KALRN: variants seen among roughly 807,000 people sequenced by gnomAD.
KALRN encodes the protein kalirin.
A neutral mutation model predicts 353.7 loss-of-function variants in KALRN; 70 were observed. That is an observed-to-expected ratio of 0.20 (90% confidence interval 0.16 to 0.24). The LOEUF (loss-of-function observed/expected upper bound fraction) is 0.24. Ranked by LOEUF, KALRN falls within the 10% of genes least tolerant of loss-of-function variation. The pLI is 1.00. For synonymous variants in KALRN, 1,391 were observed against 1,434.8 expected, an observed-to-expected ratio of 0.97 and a Z score of 0.69; for missense variants, 2,791 against 3,756.7, an observed-to-expected ratio of 0.74 and a Z score of 6.72.
At chr3:124,185,918 G>A (rs2074166250) in intron 1 of KALRN, among the ~76,000 whole-genome samples, 1 of 152,194 alleles carries the variant, frequency 6.6e-6, no homozygotes, top group African/African-American at 2.4e-5. Flanking sequence ...CAGGTGCTGG[G>A]TGGTGCCAGT....
chr3:124,358,556 T>C (rs955408392), intron 10 of KALRN, among the ~76,000 whole-genome samples: 1 of 152,246 alleles, frequency 6.6e-6, no homozygotes, highest in Non-Finnish European at 1.5e-5. Context: ...AGTCACAGAC[T>C]GCTTTTGATT....
At chr3:124,074,365 A>G (rs967053951) in intron 1 of KALRN, among the ~76,000 whole-genome samples, 3 of 152,242 alleles carry the variant, frequency 2.0e-5, no homozygotes, top group Non-Finnish European at 4.4e-5. Context: ...GGGCAGGGCC[A>G]TGGCAGGCCT....
chr3:124,140,159 T>C (rs528448650), intron 1 of KALRN, among the ~76,000 whole-genome samples: 1 of 152,208 alleles, frequency 6.6e-6, no homozygotes, highest in South Asian at 2.1e-4. Context: ...CCTACCCAAA[T>C]ATGGCCAATG....
intron 1 of KALRN, among the ~76,000 whole-genome samples, chr3:124,170,035 G>A (rs146861582): frequency 1.3e-5 from 2 of 152,196 alleles, no homozygotes; most frequent in Non-Finnish European, 2.9e-5. Context: ...GAGCATTTCA[G>A]AGTTCTTTCC....
Position 124,642,806 on chromosome 3 carries a change from G to GTTGTTTTTTTTTTTTTTTTTTTTTTTTTT in KALRN, c.5664+5505_5664+5506insGTTTTTTTTTTTTTTTTTTTTTTTTTTTT, listed in dbSNP as rs796628603. On this transcript the variant is annotated intron_variant, in intron 37 of 59. Transcript: ENST00000682506. ...TCTGTGGAAGAGATTCCCAAGCCTC[G>GTTGTTTTTTTTTTTTTTTTTTTTTTTTTT]TTTTTTTTTTTTTTTTTTTTGAGAC... Among the ~76,000 whole-genome samples, 51 of 96,816 alleles carry GTTGTTTTTTTTTTTTTTTTTTTTTTTTTT rather than the reference G, an allele frequency of 5.3e-4. 9 individuals are homozygous for GTTGTTTTTTTTTTTTTTTTTTTTTTTTTT. In the East Asian group the frequency reaches 6.7e-3, roughly 13 times the overall value. 63.5% of individuals were successfully genotyped at this position (96,816 alleles called of 152,430 possible).
At chr3:124,539,163 G>A (rs2068782364) in intron 33 of KALRN, among the ~76,000 whole-genome samples, 1 of 152,192 alleles carries the variant, frequency 6.6e-6, no homozygotes, top group Non-Finnish European at 1.5e-5. Flanking sequence ...GCAGTCAGAT[G>A]GGGATTTCAG....
intron 57 of KALRN, among the ~76,000 whole-genome samples, chr3:124,705,827 CCTT>C (rs1172340941): frequency 2.1e-5 from 3 of 145,372 alleles, no homozygotes; most frequent in African/African-American, 5.1e-5. Context: ...TTCCTCCCTT[CCTT>C]CCTTCCTTCC....
At chr3:124,283,183 A>G (rs1402866419) in intron 5 of KALRN, among the ~76,000 whole-genome samples, 1 of 152,232 alleles carries the variant, frequency 6.6e-6, no homozygotes, top group Non-Finnish European at 1.5e-5. Context: ...AGAACATCCA[A>G]CAGACACTCC....
intron 1 of KALRN, among the ~76,000 whole-genome samples, chr3:124,165,827 G>A (rs928177660): frequency 2.6e-4 from 40 of 152,092 alleles, no homozygotes; most frequent in African/African-American, 9.2e-4. Flanking sequence ...ACCTACCTCG[G>A]CCTGTAAGGC....
chr3:124,341,367 C>T (rs2149509158), intron 9 of KALRN, among the ~76,000 whole-genome samples: 1 of 152,298 alleles, frequency 6.6e-6, no homozygotes, highest in African/African-American at 2.4e-5. Context: ...AGGGCAGGGA[C>T]CTTGGCCACA....
chr3:124,290,153 G>T (rs968064845), intron 5 of KALRN, among the ~76,000 whole-genome samples: 2 of 152,166 alleles, frequency 1.3e-5, no homozygotes, highest in Non-Finnish European at 2.9e-5. Context: ...TCAAGTATGT[G>T]AAAACACTGA....
chr3:124,224,337 C>T (rs1027048600), intron 1 of KALRN, among the ~76,000 whole-genome samples: 1 of 149,256 alleles, frequency 6.7e-6, no homozygotes, highest in Non-Finnish European at 1.5e-5. Flanking sequence ...TCTTGGACCA[C>T]ACAGAAAATA....
At chr3:124,299,666 T>G (rs899038527) in intron 6 of KALRN, among the ~76,000 whole-genome samples, 1 of 152,176 alleles carries the variant, frequency 6.6e-6, no homozygotes, top group Admixed American at 6.5e-5. Context: ...ATAAGGTTGT[T>G]GTAAGGATTT....
At chr3:124,424,160 G>C (rs1393128591) in intron 15 of KALRN, among the ~76,000 whole-genome samples, 1 of 152,090 alleles carries the variant, frequency 6.6e-6, no homozygotes, top group East Asian at 1.9e-4. Flanking sequence ...GTCCCGGGGG[G>C]GTTCCCAGCA....
At chr3:124,670,392 A>G (rs1396816057) in intron 47 of KALRN, among the ~76,000 whole-genome samples, 1 of 152,186 alleles carries the variant, frequency 6.6e-6, no homozygotes, top group Admixed American at 6.5e-5. Context: ...CTAAATACTT[A>G]ATGCCACAAA....
intron 6 of KALRN, among the ~76,000 whole-genome samples, chr3:124,299,970 G>A (rs566808506): frequency 5.5e-4 from 83 of 152,260 alleles, no homozygotes; most frequent in South Asian, 5.4e-3. Flanking sequence ...CAGAAGAATA[G>A]CTCCACCATT....
At chr3:124,307,016 A>C (rs1234071697) in intron 6 of KALRN, among the ~76,000 whole-genome samples, 2 of 152,182 alleles carry the variant, frequency 1.3e-5, no homozygotes, top group Admixed American at 6.5e-5. Flanking sequence ...TTTCAAGCTA[A>C]AAGCAAGTGA....
intron 33 of KALRN, among the ~76,000 whole-genome samples, chr3:124,552,099 G>A (rs2070612236): frequency 1.3e-5 from 2 of 152,202 alleles, no homozygotes; most frequent in Admixed American, 6.5e-5. Flanking sequence ...CCATACAGAT[G>A]TTAATTATTA....
At chr3:124,366,172 T>A (rs76312878) in intron 10 of KALRN, among the ~76,000 whole-genome samples, 2,338 of 152,298 alleles carry the variant, frequency 0.015, 39 homozygotes, top group African/African-American at 0.044. Flanking sequence ...TTTTATATGT[T>A]TTGTGATTGT....
Sources: allele counts gnomAD v4.1 joint callset (sites outside exome capture counted in the v4.1 genomes callset), GRCh38; gene constraint gnomAD v4.1.1; transcripts MANE v1.5; gene names NCBI Gene and HGNC (gene_info 2026-07-23, HGNC 2026-07-21).